PRKG1: variants seen among roughly 807,000 people sequenced by gnomAD.
The protein encoded by PRKG1 is cGMP-dependent protein kinase 1.
In PRKG1, 35 loss-of-function variants were observed where a neutral mutation model predicts 88.1. The ratio of observed to expected loss-of-function variants is 0.40; its 90% CI spans 0.30 to 0.53. The LOEUF (loss-of-function observed/expected upper bound fraction) is 0.53. PRKG1 is among the 20% of genes least tolerant of loss of function. The pLI is 0.59. For missense variants in PRKG1, 540 were observed against 839.8 expected, an observed-to-expected ratio of 0.64 and a Z score of 4.41; for synonymous variants, 303 against 292.5, an observed-to-expected ratio of 1.04 and a Z score of -0.37.
At chr10:51,274,597 G>A (rs748788680) in intron 2 of PRKG1, among the ~76,000 whole-genome samples, 5 of 152,142 alleles carry the variant, frequency 3.3e-5, no homozygotes, top group Non-Finnish European at 5.9e-5. Flanking sequence ...CAAAATGACC[G>A]TGCTCAACAC....
intron 3 of PRKG1, among the ~76,000 whole-genome samples, chr10:51,769,410 T>C (rs1838247949): frequency 6.6e-6 from 1 of 152,218 alleles, no homozygotes; most frequent in Non-Finnish European, 1.5e-5. Flanking sequence ...TATATAAAAT[T>C]ATACTTTTTC....
At chr10:51,229,157 G>T (rs955127868) in intron 2 of PRKG1, among the ~76,000 whole-genome samples, 2 of 152,084 alleles carry the variant, frequency 1.3e-5, no homozygotes, top group African/African-American at 4.8e-5. Flanking sequence ...TTTTTATGAT[G>T]ATTTTGTTAA....
chr10:51,563,932 G>A (rs1449823346), intron 3 of PRKG1, among the ~76,000 whole-genome samples: 1 of 152,082 alleles, frequency 6.6e-6, no homozygotes, highest in East Asian at 1.9e-4. Flanking sequence ...CATGAGATAA[G>A]TGTTATGGAA....
chr10:52,115,835 T>A (rs925894143), intron 7 of PRKG1, among the ~76,000 whole-genome samples: 1 of 152,130 alleles, frequency 6.6e-6, no homozygotes, highest in Non-Finnish European at 1.5e-5. Flanking sequence ...TATTTTTGGG[T>A]TTCCTGGTAA....
intron 9 of PRKG1, among the ~76,000 whole-genome samples, chr10:52,196,363 T>C (rs1161574828): frequency 1.3e-5 from 2 of 152,170 alleles, no homozygotes; most frequent in Non-Finnish European, 2.9e-5. Flanking sequence ...TGTTAACACC[T>C]TAATTACCTA....
intron 3 of PRKG1, among the ~76,000 whole-genome samples, chr10:51,674,203 G>A (rs35025325): frequency 0.011 from 1,646 of 152,104 alleles, 18 homozygotes; most frequent in South Asian, 0.018. Context: ...AAGTTCTGGG[G>A]TACATGTGCA....
At chr10:51,816,760 T>C (rs2132633906) in intron 4 of PRKG1, among the ~76,000 whole-genome samples, 1 of 152,270 alleles carries the variant, frequency 6.6e-6, no homozygotes, top group African/African-American at 2.4e-5. Context: ...TTTAGTTATT[T>C]TATAAATACA....
At chr10:51,856,275 G>A (rs962731926) in intron 4 of PRKG1, among the ~76,000 whole-genome samples, 11 of 152,256 alleles carry the variant, frequency 7.2e-5, no homozygotes, top group African/African-American at 1.2e-4. Context: ...TACAGGTTCC[G>A]GGATTATGAC....
At chr10:51,475,386 C>T (rs992712769) in intron 3 of PRKG1, among the ~76,000 whole-genome samples, 2 of 151,940 alleles carry the variant, frequency 1.3e-5, no homozygotes, top group Admixed American at 6.6e-5. Flanking sequence ...CACAGCTATC[C>T]GTGTGTAACA....
intron 2 of PRKG1, among the ~76,000 whole-genome samples, chr10:51,278,283 C>T (rs1476993945): frequency 6.6e-6 from 1 of 152,154 alleles, no homozygotes; most frequent in Admixed American, 6.5e-5. Flanking sequence ...TTGAACCAGC[C>T]TTGCATCCCA....
At chr10:51,768,392 A>AT (rs1180791220) in intron 3 of PRKG1, among the ~76,000 whole-genome samples, 1 of 152,088 alleles carries the variant, frequency 6.6e-6, no homozygotes, top group Non-Finnish European at 1.5e-5. Flanking sequence ...CTCTTTGGCT[A>AT]TTTTTTCTTA....
At chr10:52,242,478 C>T (rs924914949) in intron 9 of PRKG1, among the ~76,000 whole-genome samples, 3 of 152,176 alleles carry the variant, frequency 2.0e-5, no homozygotes, top group Non-Finnish European at 4.4e-5. Flanking sequence ...AGAATCATCA[C>T]TAAATAACTT....
chr10:52,178,760 T>C (rs573840793), intron 9 of PRKG1, among the ~76,000 whole-genome samples: 2 of 152,292 alleles, frequency 1.3e-5, no homozygotes, highest in Non-Finnish European at 2.9e-5. Flanking sequence ...TCTTTGTCTC[T>C]GTTTGGAGTT....
intron 2 of PRKG1, among the ~76,000 whole-genome samples, chr10:51,257,864 A>G (rs1381500472): frequency 6.6e-6 from 1 of 152,172 alleles, no homozygotes; most frequent in African/African-American, 2.4e-5. Context: ...ACAAAACCTA[A>G]GGGGATAAGG....
intron 3 of PRKG1, among the ~76,000 whole-genome samples, chr10:51,566,936 A>G (rs1361651136): frequency 7.5e-6 from 1 of 133,288 alleles, no homozygotes; most frequent in Non-Finnish European, 1.5e-5. Context: ...ATAAAAAAAA[A>G]AGAGAGAGAG....
At chr10:51,146,073 C>T (rs919921064) in intron 1 of PRKG1, among the ~76,000 whole-genome samples, 1 of 151,938 alleles carries the variant, frequency 6.6e-6, no homozygotes, top group African/African-American at 2.4e-5. Context: ...CCTGCAGCCC[C>T]AGCTACTTTG....
At chr10:51,640,697 A>C (rs1023186239) in intron 3 of PRKG1, among the ~76,000 whole-genome samples, 3 of 152,164 alleles carry the variant, frequency 2.0e-5, no homozygotes, top group Non-Finnish European at 4.4e-5. Context: ...TTTTTAAGTT[A>C]CTGAGTCCTT....
intron 5 of PRKG1, among the ~76,000 whole-genome samples, chr10:52,043,285 C>G (rs1845790838): frequency 6.6e-6 from 1 of 151,898 alleles, no homozygotes; most frequent in South Asian, 2.1e-4. Context: ...TATTGCAGCA[C>G]TATGAAAGAT....
chr10:51,027,684 T>C (rs1289529786), intron 1 of PRKG1, among the ~76,000 whole-genome samples: 6 of 152,196 alleles, frequency 3.9e-5, no homozygotes, highest in Non-Finnish European at 8.8e-5. Flanking sequence ...TAAATTTTAC[T>C]AAATCTTCTC....
Sources: gnomAD v4.1 joint callset for allele counts (sites outside exome capture counted in the v4.1 genomes callset) on GRCh38, gnomAD v4.1.1 for gene constraint, MANE v1.5 for transcripts, NCBI Gene and HGNC (gene_info 2026-07-23, HGNC 2026-07-21) for gene names.